The following SLC2A13 variants were observed in gnomAD, a reference collection of about 807,000 sequenced individuals.
SLC2A13 encodes the protein solute carrier family 2 member 13, also known as proton myo-inositol cotransporter.
Under a neutral mutation model 64.4 loss-of-function variants are expected in SLC2A13, and 32 were observed. That is an observed-to-expected ratio of 0.50 (90% CI 0.37 to 0.67). The LOEUF (loss-of-function observed/expected upper bound fraction) is 0.67, where lower values mean the gene tolerates loss of function less well. Among genes scored for constraint, SLC2A13 ranks in the 30% least tolerant of loss-of-function variants. The probability of loss-of-function intolerance (pLI) is 0.00; values close to 1 mark genes in which losing one functional copy is unlikely to be tolerated. For synonymous variants in SLC2A13, 338 were observed against 327.1 expected, an observed-to-expected ratio of 1.03 and a Z score of -0.36; for missense variants, 743 against 829.2, an observed-to-expected ratio of 0.90 and a Z score of 1.28.
rs1375405006 is a variant in SLC2A13, at chr12:39,971,997, A to AAAT, written c.926-20633_926-20632insATT. ...GAGTGTCTCCAGAAAAAAAAAAAAA[A>AAAT]ATATATATATATATATATTTTTTTT... On this transcript the variant is annotated intron_variant, in intron 3 of 9. Transcript: ENST00000280871. Among the ~76,000 whole-genome samples, 654 of 77,324 alleles carry AAAT rather than the reference A, an allele frequency of 8.5e-3. 10 individuals are homozygous for AAAT. Among genetic ancestry groups the AAAT allele is most frequent in the African/African-American group, 0.03 (627 of 20,630 alleles). 50.7% of individuals were successfully genotyped at this position (77,324 alleles called of 152,430 possible). A position where few individuals can be genotyped will look rare whatever the true frequency, so the allele number is the denominator to read the frequency against.
At chr12:39,856,230 TATCCATGCATCC>T (rs1475957897) in intron 6 of SLC2A13, among the ~76,000 whole-genome samples, 2 of 152,146 alleles carry the variant, frequency 1.3e-5, no homozygotes, top group Non-Finnish European at 2.9e-5. Context: ...TTCATCCATC[TATCCATGCATCC>T]ATCCATCCAT....
chr12:39,791,113 G>C (rs1312985446), intron 7 of SLC2A13, among the ~76,000 whole-genome samples: 3 of 150,838 alleles, frequency 2.0e-5, no homozygotes, highest in African/African-American at 7.3e-5. Context: ...GTAGATTCTG[G>C]ATATTAGCCC....
intron 1 of SLC2A13, among the ~76,000 whole-genome samples, chr12:40,073,625 T>C (rs1265681993): frequency 6.6e-6 from 1 of 152,088 alleles, no homozygotes; most frequent in Non-Finnish European, 1.5e-5. Context: ...TTTATCCTTG[T>C]CTTTTGAAGG....
At chr12:40,073,543 CAT>C (rs1336869970) in intron 1 of SLC2A13, among the ~76,000 whole-genome samples, 1 of 152,014 alleles carries the variant, frequency 6.6e-6, no homozygotes, top group African/African-American at 2.4e-5. Context: ...GAGTTTCTGA[CAT>C]ATCATTTTTT....
intron 7 of SLC2A13, among the ~76,000 whole-genome samples, chr12:39,816,476 T>C (rs935049717): frequency 2.0e-5 from 3 of 150,434 alleles, no homozygotes; most frequent in Non-Finnish European, 4.4e-5. Flanking sequence ...ATATACCTAA[T>C]GTAAATGACG....
At chr12:39,995,555 G>A (rs140564455) in intron 3 of SLC2A13, among the ~76,000 whole-genome samples, 95 of 152,200 alleles carry the variant, frequency 6.2e-4, no homozygotes, top group African/African-American at 2.2e-3. Context: ...ATTTTTAAGA[G>A]TAAAAAAGCA....
At chr12:39,837,518 C>A (rs1260477329) in intron 6 of SLC2A13, among the ~76,000 whole-genome samples, 1 of 141,208 alleles carries the variant, frequency 7.1e-6, no homozygotes, top group Non-Finnish European at 1.5e-5. Context: ...AGAGCTTCTG[C>A]ACAGCAAAAG....
intron 7 of SLC2A13, among the ~76,000 whole-genome samples, chr12:39,809,947 G>T (rs1942098382): frequency 6.6e-6 from 1 of 152,146 alleles, no homozygotes; most frequent in Admixed American, 6.5e-5. Context: ...TTGCTATTGT[G>T]AATAGTGCCG....
intron 3 of SLC2A13, among the ~76,000 whole-genome samples, chr12:39,969,610 G>T (rs1443272651): frequency 6.6e-6 from 1 of 152,208 alleles, no homozygotes; most frequent in African/African-American, 2.4e-5. Flanking sequence ...TTTGAGAAGT[G>T]TCTGTTCATA....
Position 39,804,806 on chromosome 12 carries a change from T to C in SLC2A13, c.1445+25297A>G, listed in dbSNP as rs138193882. Among the ~76,000 whole-genome samples the C allele has an allele frequency of 3.0e-3, 456 of 152,238 alleles. 1 individual carries two copies. Among genetic ancestry groups the C allele is most frequent in the African/African-American group, 0.01 (433 of 41,536 alleles). ...TACAGATACATTTATATTTACATGTTAAATATAGATGGAGAATTATATACC... is the reference window on the plus strand; with the variant it reads ...TACAGATACATTTATATTTACATGTCAAATATAGATGGAGAATTATATACC... On this transcript the variant is annotated intron_variant, in intron 7 of 9. Transcript: ENST00000280871.
At position 39,867,115 on chromosome 12, in the gene SLC2A13, C is replaced by T. The variant is rs989475778; in HGVS notation, c.1199-2233G>A. Among the ~76,000 whole-genome samples the T allele has an allele frequency of 2.0e-5, 3 of 152,226 alleles. No individual in the cohort carries two copies. The South Asian group carries it at 6.2e-4, about 32-fold the overall frequency. Reference sequence around the variant, plus strand: ...TGAAGATCATACCTCTCTCCTAAAACAAAACAAAACGAACCATGAGATTTA... The same window carrying T: ...TGAAGATCATACCTCTCTCCTAAAATAAAACAAAACGAACCATGAGATTTA... On this transcript the variant is annotated intron_variant, in intron 5 of 9. Transcript: ENST00000280871.
At chr12:40,077,279 T>C (rs1273008383) in intron 1 of SLC2A13, among the ~76,000 whole-genome samples, 5 of 152,126 alleles carry the variant, frequency 3.3e-5, no homozygotes, top group Non-Finnish European at 7.4e-5. Flanking sequence ...CTTTTTACAG[T>C]TTTAGGTTTT....
At chr12:40,043,249 C>G (rs1025984767) in intron 2 of SLC2A13, among the ~76,000 whole-genome samples, 3 of 152,114 alleles carry the variant, frequency 2.0e-5, no homozygotes, top group South Asian at 4.1e-4. Context: ...CAGGATTTAA[C>G]TAAGCAATTT....
intron 7 of SLC2A13, among the ~76,000 whole-genome samples, chr12:39,824,217 C>T (rs190585973): frequency 3.3e-5 from 5 of 152,216 alleles, no homozygotes; most frequent in Admixed American, 3.3e-4. Context: ...ATTCATTATT[C>T]AGGGGTTTTG....
At chr12:39,901,763 C>A (rs564195650) in intron 4 of SLC2A13, among the ~76,000 whole-genome samples, 45 of 136,442 alleles carry the variant, frequency 3.3e-4, no homozygotes, top group African/African-American at 1.1e-3. Context: ...ACTAGTTCAA[C>A]CATTGTGGAA....
At chr12:40,063,435 G>A (rs1389019137) in intron 1 of SLC2A13, among the ~76,000 whole-genome samples, 2 of 148,184 alleles carry the variant, frequency 1.3e-5, no homozygotes, top group African/African-American at 2.5e-5. Flanking sequence ...ACAATTCATC[G>A]AAGCATAATG....
At chr12:39,961,783 G>A (rs1489430805) in intron 3 of SLC2A13, among the ~76,000 whole-genome samples, 1 of 150,566 alleles carries the variant, frequency 6.6e-6, no homozygotes, top group Non-Finnish European at 1.5e-5. Context: ...TTACAGGTGT[G>A]AGCCGCCACA....
intron 3 of SLC2A13, among the ~76,000 whole-genome samples, chr12:39,952,807 G>C (rs1003350775): frequency 6.6e-6 from 1 of 152,110 alleles, no homozygotes; most frequent in Non-Finnish European, 1.5e-5. Flanking sequence ...TGTGAAACAG[G>C]TGAATTTTGA....
At chr12:40,082,946 TTCTG>T (rs1261693539) in intron 1 of SLC2A13, among the ~76,000 whole-genome samples, 1 of 152,152 alleles carries the variant, frequency 6.6e-6, no homozygotes, top group Non-Finnish European at 1.5e-5. Context: ...TGTATCCTTC[TTCTG>T]TCTACTCTCA....
Sources: allele counts gnomAD v4.1 joint callset (sites outside exome capture counted in the v4.1 genomes callset), GRCh38; gene constraint gnomAD v4.1.1; transcripts MANE v1.5; gene names NCBI Gene and HGNC (gene_info 2026-07-23, HGNC 2026-07-21).